Variants in RPS6KC1 observed in about 807,000 individuals in gnomAD.
RPS6KC1 encodes the protein ribosomal protein S6 kinase C1.
RPS6KC1 carries 54 observed loss-of-function variants against 103.8 expected under a neutral mutation model. That is an observed-to-expected ratio of 0.52 (90% CI 0.42 to 0.65). The LOEUF is 0.65. RPS6KC1 is among the 30% of genes least tolerant of loss of function. The pLI is 0.00. For missense variants in RPS6KC1, 1,151 were observed against 1,253.8 expected (o/e 0.92, Z 1.24); for synonymous variants, 439 against 438.7 (o/e 1.00, Z -0.01).
the RPS6KC1 span, among the ~76,000 whole-genome samples, chr1:213,589,792 A>G: frequency 6.6e-6 from 1 of 152,190 alleles, no homozygotes; most frequent in East Asian, 1.9e-4. Context: ...TCAGAGAATA[A>G]CTGTGAACTG....
At chr1:213,726,342 T>A in the RPS6KC1 span, among the ~76,000 whole-genome samples, 1 of 152,224 alleles carries the variant, frequency 6.6e-6, no homozygotes, top group African/African-American at 2.4e-5. Flanking sequence ...CACAAAGTGC[T>A]AGGATTATGG....
At chr1:213,096,125 G>T (rs2081427261) in intron 3 of RPS6KC1, among the ~76,000 whole-genome samples, 1 of 152,180 alleles carries the variant, frequency 6.6e-6, no homozygotes, top group Admixed American at 6.5e-5. Flanking sequence ...GTGACATTCA[G>T]AATCCTTTGT....
Position 213,183,922 on chromosome 1 carries a change from G to T in RPS6KC1, c.1044+7430G>T, listed in dbSNP as rs529356691. Among the ~76,000 whole-genome samples, 12 of 152,170 alleles carry T rather than the reference G, an allele frequency of 7.9e-5. 1 individual carries two copies. In the East Asian group the frequency reaches 1.7e-3, roughly 22 times the overall value. Reference sequence around the variant, plus strand: ...AGAATACACCAATTATTACTGTCAGGAATGAAACAGGTATGGATCTTGCCT... The same window carrying T: ...AGAATACACCAATTATTACTGTCAGTAATGAAACAGGTATGGATCTTGCCT... On this transcript the variant is annotated intron_variant, in intron 8 of 14. Transcript: ENST00000366960.
At chr1:213,494,559 T>C in the RPS6KC1 span, among the ~76,000 whole-genome samples, 37 of 151,974 alleles carry the variant, frequency 2.4e-4, no homozygotes, top group Non-Finnish European at 4.9e-4. Context: ...AATGTTTAAA[T>C]TGGAAAGTCA....
the RPS6KC1 span, among the ~76,000 whole-genome samples, chr1:213,329,395 C>A: frequency 6.6e-6 from 1 of 151,984 alleles, no homozygotes; most frequent in Non-Finnish European, 1.5e-5. Context: ...CCAGAGCAGG[C>A]CCCAGACCAT....
chr1:213,364,851 G>A, the RPS6KC1 span, among the ~76,000 whole-genome samples: 2 of 151,918 alleles, frequency 1.3e-5, no homozygotes, highest in East Asian at 1.9e-4. Flanking sequence ...CCAGATACTC[G>A]GGAGGCTGAG....
chr1:213,839,440 A>T, the RPS6KC1 span, among the ~76,000 whole-genome samples: 1 of 152,146 alleles, frequency 6.6e-6, no homozygotes, highest in African/African-American at 2.4e-5. Flanking sequence ...GGCATACTTT[A>T]TGTCATAGTG....
the RPS6KC1 span, among the ~76,000 whole-genome samples, chr1:213,423,775 G>T: frequency 6.6e-5 from 10 of 152,034 alleles, no homozygotes; most frequent in Non-Finnish European, 1.5e-4. Flanking sequence ...GCAGGGGGCT[G>T]GTGGGGAAGG....
At chr1:213,093,774 T>G (rs1023572415) in intron 3 of RPS6KC1, among the ~76,000 whole-genome samples, 3 of 152,196 alleles carry the variant, frequency 2.0e-5, no homozygotes, top group Non-Finnish European at 4.4e-5. Flanking sequence ...GTTCTAACAA[T>G]TATATCTGTA....
chr1:213,716,326 G>A, the RPS6KC1 span, among the ~76,000 whole-genome samples: 1 of 152,098 alleles, frequency 6.6e-6, no homozygotes, highest in Non-Finnish European at 1.5e-5. Flanking sequence ...GGGGCTCCCT[G>A]CCTAATTCTG....
chr1:213,052,917 A>G (rs1361357239), intron 1 of RPS6KC1, among the ~76,000 whole-genome samples: 2 of 152,220 alleles, frequency 1.3e-5, no homozygotes, highest in African/African-American at 4.8e-5. Flanking sequence ...ATGGTGCACA[A>G]TTCAGATAAA....
chr1:213,070,961 A>G, intron 1 of RPS6KC1, 45 bp from the exon 2 acceptor site: 1 of 1,205,844 alleles, frequency 8.3e-7, no homozygotes, highest in Non-Finnish European at 1.2e-6. Flanking sequence ...ATGAAATCTT[A>G]AATTTTGATA....
At chr1:213,621,744 G>A in the RPS6KC1 span, among the ~76,000 whole-genome samples, 1 of 152,136 alleles carries the variant, frequency 6.6e-6, no homozygotes, top group African/African-American at 2.4e-5. Context: ...AAAATATAAG[G>A]TATTTTAAGA....
At chr1:213,230,427 T>G in intron 8 of RPS6KC1, 70 bp from the exon 9 acceptor site, 1 of 1,181,354 alleles carries the variant, frequency 8.5e-7, no homozygotes, top group Non-Finnish European at 1.2e-6. Context: ...ACTCTTAAAG[T>G]TTAGTTTAAA....
At chr1:213,117,029 G>C (rs1558351037) in intron 4 of RPS6KC1, among the ~76,000 whole-genome samples, 1 of 151,940 alleles carries the variant, frequency 6.6e-6, no homozygotes, top group Admixed American at 6.6e-5. Context: ...GGGCAGTTTA[G>C]GTTTATAGAA....
chr1:213,409,553 T>C, the RPS6KC1 span, among the ~76,000 whole-genome samples: 2 of 152,064 alleles, frequency 1.3e-5, no homozygotes, highest in African/African-American at 4.8e-5. Context: ...CTTAGCTGAT[T>C]TGTGGTTGAA....
chr1:213,230,599 C>T (rs761623307), intron 9 of RPS6KC1, 55 bp downstream of exon 9: 20 of 1,346,046 alleles, frequency 1.5e-5, no homozygotes, highest in Non-Finnish European at 2.0e-5. Flanking sequence ...CTTTGGGAGA[C>T]TGAGATAGGC....
the RPS6KC1 span, among the ~76,000 whole-genome samples, chr1:213,812,736 T>C: frequency 6.6e-6 from 1 of 152,168 alleles, no homozygotes; most frequent in Non-Finnish European, 1.5e-5. Context: ...AACTGTTCTT[T>C]CTACTTTAGG....
chr1:213,207,238 G>A (rs1022767212), intron 8 of RPS6KC1, among the ~76,000 whole-genome samples: 1 of 152,162 alleles, frequency 6.6e-6, no homozygotes, highest in East Asian at 1.9e-4. Context: ...CATTTGTGGG[G>A]GAGATTTGCA....
Sources: gnomAD v4.1 joint callset for allele counts (sites outside exome capture counted in the v4.1 genomes callset) on GRCh38, gnomAD v4.1.1 for gene constraint, MANE v1.5 for transcripts, NCBI Gene and HGNC (gene_info 2026-07-23, HGNC 2026-07-21) for gene names.